Variants in USP2 observed in about 807,000 individuals in gnomAD.
USP2 encodes ubiquitin carboxyl-terminal hydrolase 2.
USP2 carries 33 observed loss-of-function variants against 72.0 expected under a neutral mutation model. The observed-to-expected ratio is 0.46, with a 90% CI of 0.35 to 0.61. USP2 has a LOEUF of 0.61. Among genes scored for constraint, USP2 ranks in the 20% least tolerant of loss-of-function variants. The pLI is 0.01. For missense variants in USP2, 691 were observed against 797.8 expected, an observed-to-expected ratio of 0.87 and a Z score of 1.61; for synonymous variants, 296 against 312.5, an observed-to-expected ratio of 0.95 and a Z score of 0.56.
At position 119,359,134 on chromosome 11, in the gene USP2, A is replaced by G. The variant is rs1007827215; in HGVS notation, c.1062T>C (p.Asn354=). 6.2e-7 allele frequency: 1 copy of G among 1,614,018 alleles called. No individual in the cohort carries two copies. Among genetic ancestry groups the G allele is most frequent in the African/African-American group, 1.3e-5 (1 of 75,014 alleles). Residue 354 remains asparagine (N), a splice_region_variant and synonymous_variant, in exon 6 of 13, where the codon AAT becomes AAC. Transcript: ENST00000260187. ...QRYAPRFVGY[N]QQDAQEFLRF... ...GAAGGAACTCCTGAGCATCCTGCTG[A>G]CTGAACCCAAAGGAAGGAGGGTGAG...
chr11:119,358,031 A>G lies in USP2; in HGVS notation c.1372T>C (p.Cys458Arg). The G allele has an allele frequency of 6.2e-7, 1 of 1,614,236 alleles. No homozygotes were observed. Among genetic ancestry groups the G allele is most frequent in the Non-Finnish European group, 8.5e-7 (1 of 1,180,048 alleles). Residue 458 changes from cysteine to arginine, a missense_variant, in exon 9 of 13, where the codon TGC becomes CGC. By Grantham distance (180) the Cys-to-Arg change is radical (BLOSUM62 -3). Coordinates refer to ENST00000260187, the MANE Select transcript of USP2 (RefSeq NM_004205.5). Reference protein sequence around the residue: ...RGYPEVTLMDCMRLFTKEDVL... With the variant: ...RGYPEVTLMDRMRLFTKEDVL... The stretch of plus-strand genomic sequence containing the variant: ...TCCTCTTTGGTGAAGAGCCTCATGC[A>G]GTCCATTAATGTCACCTCAGGATAA...
intron 2 of USP2, among the ~76,000 whole-genome samples, chr11:119,362,570 C>T (rs1157967087): frequency 1.3e-5 from 2 of 152,126 alleles, no homozygotes; most frequent in Admixed American, 6.5e-5. Context: ...GCCAGATATT[C>T]TTCTGCCAAG....
At chr11:119,364,201 G>A (rs879504773) in intron 2 of USP2, 1 of 1,153,372 alleles carries the variant, frequency 8.7e-7, no homozygotes, top group Admixed American at 4.8e-5. Context: ...CTCGCGCTCC[G>A]GCCGACTGGC....
At chr11:119,358,945 T>C (rs1950717787) in intron 6 of USP2, 79 bp downstream of exon 6, 1 of 1,585,500 alleles carries the variant, frequency 6.3e-7, no homozygotes, top group Admixed American at 1.7e-5. Flanking sequence ...TATTCCCAAA[T>C]CATTAACCCC....
chr11:119,359,723 A>C lies in USP2; in HGVS notation c.826-63T>G. On this transcript the variant is annotated intron_variant, in intron 3 of 12. Transcript: ENST00000260187. ...AGTCCCACCTTCACCTGTGTTACTT[A>C]CTACCAGAGGCTCTCTGGTTCATCT... 7.6e-6 allele frequency: 12 copies of C among 1,588,542 alleles called. No homozygotes were observed. The South Asian group carries it at 1.3e-4, about 18-fold the overall frequency.
chr11:119,381,606 ACT>A lies in USP2; in HGVS notation c.-177_-176del, dbSNP rs781066728. ...GCTCCCCGGCCTCGGCTCCTGCCTG[ACT>A]CTCTCCCACCTCCGCCGGGGGCCCA... is the stretch of plus-strand genomic sequence containing the variant. On this transcript the variant is annotated 5_prime_UTR_variant, in exon 1 of 13. An upstream open reading frame in the 5' UTR gains an earlier in-frame stop. Coordinates refer to ENST00000260187, the MANE Select transcript of USP2 (RefSeq NM_004205.5). The A allele has an allele frequency of 1.3e-6, 2 of 1,489,652 alleles. No individual in the cohort carries two copies. The highest frequency in any genetic ancestry group is 9.0e-7 in the Non-Finnish European group (1 of 1,106,464). 92.3% of individuals were successfully genotyped at this position (1,489,652 alleles called of 1,614,324 possible).
rs1022575494 is a variant in USP2 at position 119,356,526 on chromosome 11, C to CT, written c.*308dup. 7 of 287,310 alleles carry CT rather than the reference C, an allele frequency of 2.4e-5. No individual in the cohort carries two copies. The highest frequency in any genetic ancestry group is 8.8e-5 in the African/African-American group (4 of 45,356). 17.8% of individuals were successfully genotyped at this position (287,310 alleles called of 1,614,324 possible). A position where few individuals can be genotyped will look rare whatever the true frequency, so the allele number is the denominator to read the frequency against. ...CGGCGGGAAGCGGCGCAGCGAGGGT[C>CT]TTCCCCCCCAAGACACAGTTGTTTC... On this transcript the variant is annotated 3_prime_UTR_variant, in exon 13 of 13. Coordinates refer to ENST00000260187, the MANE Select transcript of USP2 (RefSeq NM_004205.5).
chr11:119,359,432 A>G, intron 4 of USP2, 90 bp from the exon 5 acceptor site: 1 of 1,590,316 alleles, frequency 6.3e-7, no homozygotes, highest in South Asian at 1.1e-5. Context: ...AAGCAGAGAA[A>G]GACAGACAGG....
chr11:119,378,852 CTCTGT>C (rs1432893365), intron 1 of USP2, among the ~76,000 whole-genome samples: 1 of 152,180 alleles, frequency 6.6e-6, no homozygotes, highest in Middle Eastern at 3.2e-3. Flanking sequence ...GTCATCTTTC[CTCTGT>C]TCTCAGCCTC....
chr11:119,356,499 T>C lies in USP2; in HGVS notation c.*336A>G. ...GCTGTCCCCTCGGAGGCGCGGGCGCTGCGGCGGGAAGCGGCGCAGCGAGGG... is the reference window on the plus strand; with the variant it reads ...GCTGTCCCCTCGGAGGCGCGGGCGCCGCGGCGGGAAGCGGCGCAGCGAGGG... On this transcript the variant is annotated 3_prime_UTR_variant, in exon 13 of 13. Transcript: ENST00000260187. 1 of 223,400 alleles carries C rather than the reference T, an allele frequency of 4.5e-6. No individual in the cohort carries two copies. The highest frequency in any genetic ancestry group is 8.8e-6 in the Non-Finnish European group (1 of 113,986). 13.8% of individuals were successfully genotyped at this position (223,400 alleles called of 1,614,324 possible).
intron 1 of USP2, among the ~76,000 whole-genome samples, chr11:119,379,512 G>A (rs1951036716): frequency 6.6e-6 from 1 of 152,176 alleles, no homozygotes; most frequent in South Asian, 2.1e-4. Flanking sequence ...AAAGAAAGCA[G>A]CTTGCTCAAG....
At chr11:119,365,898 GT>G (rs59501313) in intron 2 of USP2, among the ~76,000 whole-genome samples, 69,179 of 140,626 alleles carry the variant, frequency 0.49, 16,492 homozygotes, top group East Asian at 0.77. Context: ...TATTTGTTTT[GT>G]TTTTTTTTTT....
At chr11:119,369,590 C>A (rs1219015750) in intron 2 of USP2, among the ~76,000 whole-genome samples, 5 of 152,124 alleles carry the variant, frequency 3.3e-5, no homozygotes, top group Non-Finnish European at 7.4e-5. Context: ...ATCTCTTTTC[C>A]CCCCTTAAGT....
At chr11:119,367,851 G>C (rs1169966287) in intron 2 of USP2, among the ~76,000 whole-genome samples, 1 of 152,220 alleles carries the variant, frequency 6.6e-6, no homozygotes, top group Non-Finnish European at 1.5e-5. Flanking sequence ...TTCTGCAGCT[G>C]GTGGTCAGTG....
Position 119,359,241 on chromosome 11 carries a change from C to A in USP2, c.1051G>T (p.Val351Phe). The A allele has an allele frequency of 6.2e-7, 1 of 1,614,022 alleles. No individual in the cohort carries two copies. The highest frequency in any genetic ancestry group is 1.6e-4 in the Middle Eastern group (1 of 6,062). ...CTGCAAGGCCCTTACTTATAGCCAA[C>A]AAAGCGCGGTGCGTATCTCTGGATC... is the stretch of plus-strand genomic sequence containing the variant. ...TQIQRYAPRF[V>F]GYNQQDAQEF... Residue 351 changes from valine to phenylalanine, a missense_variant, in exon 5 of 13, where the codon GTT becomes TTT. Transcript: ENST00000260187.
intron 2 of USP2, chr11:119,363,870 C>T: frequency 1.4e-6 from 2 of 1,422,816 alleles, no homozygotes; most frequent in Non-Finnish European, 1.9e-6. Context: ...TGAGCAGGAG[C>T]CCCACGAAGG....
Position 119,357,220 on chromosome 11 carries a change from C to T in USP2, c.1697G>A (p.Gly566Glu). Residue 566 changes from glycine (G) to glutamate (E), a missense_variant, in exon 12 of 13, where the codon GGG becomes GAG. Transcript: ENST00000260187. ...GTTGAAAGTGTGCCATTCTCCTGTC[C>T]CTGGACTGCGACAGTAGGCTGTATA... ...GHYTAYCRSP[G>E]TGEWHTFNDS... The T allele has an allele frequency of 1.2e-6, 2 of 1,613,840 alleles. No individual in the cohort carries two copies. The highest frequency in any genetic ancestry group is 1.1e-5 in the South Asian group (1 of 91,076).
chr11:119,378,242 A>C (rs1165441319), intron 1 of USP2, among the ~76,000 whole-genome samples: 6 of 149,838 alleles, frequency 4.0e-5, no homozygotes, highest in Admixed American at 6.7e-5. Context: ...CACCTGCTGC[A>C]CTATCTGGGC....
rs1027078668 is a variant in USP2, at chr11:119,356,271, T to C, written c.*564A>G. 2.0e-5 allele frequency: 3 copies of C among 147,264 alleles called. No individual in the cohort carries two copies. The highest frequency in any genetic ancestry group is 4.5e-5 in the Non-Finnish European group (3 of 66,330). The allele number at this position is 147,264 out of a possible 1,614,324, so 9.1% of individuals were successfully genotyped here. ...GTCTGAACACTTTAGTTATGGAAAT[T>C]AAAAAAAAAAAGTTGGGCTTTTTAA... On this transcript the variant is annotated 3_prime_UTR_variant, in exon 13 of 13. Transcript: ENST00000260187.
Sources: gnomAD v4.1 joint callset for allele counts (sites outside exome capture counted in the v4.1 genomes callset) on GRCh38, gnomAD v4.1.1 for gene constraint, MANE v1.5 for transcripts, NCBI Gene and HGNC (gene_info 2026-07-23, HGNC 2026-07-21) for gene names.